STK39: variants seen among roughly 807,000 people sequenced by gnomAD.
STK39 encodes serine/threonine kinase 39.
A neutral mutation model predicts 77.8 loss-of-function variants in STK39; 20 were observed. The ratio of observed to expected loss-of-function variants is 0.26; its 90% CI spans 0.18 to 0.37. The LOEUF (loss-of-function observed/expected upper bound fraction) is 0.37, where lower values mean the gene tolerates loss of function less well. STK39 is among the 10% of genes least tolerant of loss of function. STK39 has a pLI of 1.00. For synonymous variants in STK39, 246 were observed against 234.1 expected, an observed-to-expected ratio of 1.05 and a Z score of -0.47; for missense variants, 479 against 656.5, an observed-to-expected ratio of 0.73 and a Z score of 2.95.
intron 10 of STK39, among the ~76,000 whole-genome samples, chr2:168,112,606 T>C (rs1687148251): frequency 6.6e-6 from 1 of 152,128 alleles, no homozygotes; most frequent in Admixed American, 6.5e-5. Context: ...TCTTTATAAA[T>C]TACCCAGTCT....
chr2:168,039,851 A>C (rs1446419237), intron 14 of STK39, among the ~76,000 whole-genome samples: 1 of 152,244 alleles, frequency 6.6e-6, no homozygotes, highest in Non-Finnish European at 1.5e-5. Flanking sequence ...GAAGGCTAAA[A>C]GAAAGGTAAG....
intron 10 of STK39, among the ~76,000 whole-genome samples, chr2:168,078,959 T>C (rs903904919): frequency 1.1e-4 from 16 of 152,244 alleles, no homozygotes; most frequent in Admixed American, 8.5e-4. Context: ...CGTCCACCTA[T>C]CAAGAACCTA....
intron 1 of STK39, among the ~76,000 whole-genome samples, chr2:168,221,857 AAAAAG>A (rs1253743798): frequency 2.7e-5 from 4 of 148,638 alleles, no homozygotes; most frequent in Non-Finnish European, 3.0e-5. Context: ...TCTGATCAAG[AAAAAG>A]CAGGGAGATT....
chr2:168,227,768 C>G (rs938752181), intron 1 of STK39, among the ~76,000 whole-genome samples: 10 of 152,184 alleles, frequency 6.6e-5, no homozygotes, highest in African/African-American at 2.4e-4. Context: ...CGCCATTCTC[C>G]TGCCTCAGCC....
At chr2:168,156,427 T>C (rs886127591) in intron 5 of STK39, among the ~76,000 whole-genome samples, 28 of 152,182 alleles carry the variant, frequency 1.8e-4, no homozygotes, top group Admixed American at 1.8e-3. Flanking sequence ...CAGTCAGATC[T>C]ACACTGCAGA....
At chr2:168,118,717 C>T (rs1480148686) in intron 10 of STK39, among the ~76,000 whole-genome samples, 1 of 152,008 alleles carries the variant, frequency 6.6e-6, no homozygotes, top group Non-Finnish European at 1.5e-5. Flanking sequence ...CCTAATTCAC[C>T]CCCAGTGCGA....
At chr2:168,203,651 G>A (rs1689666349) in intron 1 of STK39, among the ~76,000 whole-genome samples, 2 of 152,312 alleles carry the variant, frequency 1.3e-5, no homozygotes, top group South Asian at 4.1e-4. Flanking sequence ...GGAGTACAGT[G>A]GTACAATCTC....
rs114553726 is a variant in STK39, at chr2:168,037,472, G to T, written c.1377-20377C>A. On this transcript the variant is annotated intron_variant, in intron 14 of 17. Transcript: ENST00000355999. ...AATGATCTATGATGTGAAATAATTA[G>T]AAATCTGACAGTTATCTGTATAAGA... Among the ~76,000 whole-genome samples the T allele has an allele frequency of 8.9e-3, 1,353 of 152,256 alleles. 19 individuals are homozygous for T. Among genetic ancestry groups the T allele is most frequent in the African/African-American group, 0.031 (1,294 of 41,538 alleles).
At chr2:168,086,781 A>T (rs1686377793) in intron 10 of STK39, among the ~76,000 whole-genome samples, 1 of 152,224 alleles carries the variant, frequency 6.6e-6, no homozygotes, top group African/African-American at 2.4e-5. Context: ...GAAACCCAAC[A>T]TGAAAGGGCA....
intron 5 of STK39, among the ~76,000 whole-genome samples, chr2:168,151,004 T>A (rs1298964020): frequency 2.0e-5 from 3 of 152,110 alleles, no homozygotes; most frequent in Non-Finnish European, 4.4e-5. Flanking sequence ...CAAATGGTGC[T>A]CAATGGCCTT....
At chr2:168,112,378 G>C (rs1379138742) in intron 10 of STK39, among the ~76,000 whole-genome samples, 1 of 151,986 alleles carries the variant, frequency 6.6e-6, no homozygotes, top group Admixed American at 6.6e-5. Flanking sequence ...GGCTGGTTGG[G>C]GGTGATTGGA....
chr2:168,014,493 A>T (rs1684357661), intron 15 of STK39, among the ~76,000 whole-genome samples: 1 of 151,192 alleles, frequency 6.6e-6, no homozygotes, highest in African/African-American at 2.5e-5. Context: ...AAAAAATAAA[A>T]AAAAAACACC....
At chr2:168,227,730 T>C (rs1690343413) in intron 1 of STK39, among the ~76,000 whole-genome samples, 1 of 152,190 alleles carries the variant, frequency 6.6e-6, no homozygotes, top group South Asian at 2.1e-4. Flanking sequence ...CAATCTCAGC[T>C]CACTGCAAGC....
intron 1 of STK39, among the ~76,000 whole-genome samples, chr2:168,225,789 T>A (rs572581836): frequency 2.0e-4 from 31 of 152,324 alleles, no homozygotes; most frequent in Admixed American, 1.8e-3. Context: ...CAGTATTACA[T>A]AAAACACTCA....
intron 15 of STK39, 45 bp downstream of exon 15, chr2:168,016,997 CA>C: frequency 6.9e-7 from 1 of 1,457,728 alleles, no homozygotes; most frequent in Non-Finnish European, 9.5e-7. Flanking sequence ...TCAATTTCTG[CA>C]ATGCTCTTTG....
At chr2:168,075,052 C>A (rs757540742) in intron 11 of STK39, 41 bp from the exon 12 acceptor site, 28 of 1,613,948 alleles carry the variant, frequency 1.7e-5, no homozygotes, top group Non-Finnish European at 2.4e-5. Context: ...TATACACACA[C>A]ACAATCACAA....
Position 168,189,081 on chromosome 2 carries a change from G to C in STK39, c.209-6991C>G, listed in dbSNP as rs528771355. Reference sequence around the variant, plus strand: ...TTCCAGGGTTGCTGGAAAAGATTTAGAGCTTACCAAAAAAATAAAATAAAA... The same window carrying C: ...TTCCAGGGTTGCTGGAAAAGATTTACAGCTTACCAAAAAAATAAAATAAAA... On this transcript the variant is annotated intron_variant, in intron 1 of 17. Transcript: ENST00000355999. Among the ~76,000 whole-genome samples the C allele has an allele frequency of 2.0e-5, 3 of 152,090 alleles. No homozygotes were observed. The East Asian group carries it at 5.8e-4, about 29-fold the overall frequency.
At chr2:168,105,835 A>C (rs1235175793) in intron 10 of STK39, among the ~76,000 whole-genome samples, 1 of 152,210 alleles carries the variant, frequency 6.6e-6, no homozygotes, top group East Asian at 1.9e-4. Context: ...TTATTCCAGA[A>C]CTTCACTTTA....
intron 16 of STK39, among the ~76,000 whole-genome samples, chr2:167,981,970 C>G (rs1683431665): frequency 6.6e-6 from 1 of 152,160 alleles, no homozygotes; most frequent in South Asian, 2.1e-4. Flanking sequence ...GAGAAATATT[C>G]AGTGCCGACG....
Sources: gnomAD v4.1 joint callset for allele counts (sites outside exome capture counted in the v4.1 genomes callset) on GRCh38, gnomAD v4.1.1 for gene constraint, MANE v1.5 for transcripts, NCBI Gene and HGNC (gene_info 2026-07-23, HGNC 2026-07-21) for gene names.